The following DLG2 variants were observed in gnomAD, a reference collection of about 807,000 sequenced individuals.
DLG2 encodes discs large MAGUK scaffold protein 2, also known as disks large homolog 2.
In DLG2, 45 loss-of-function variants were observed where a neutral mutation model predicts 132.5. The ratio of observed to expected loss-of-function variants is 0.34; its 90% CI spans 0.27 to 0.44. The LOEUF (loss-of-function observed/expected upper bound fraction) is 0.44. Ranked by LOEUF, DLG2 falls within the 20% of genes least tolerant of loss-of-function variation. DLG2 has a pLI of 1.00. For missense variants in DLG2, 1,045 were observed against 1,196.9 expected, an observed-to-expected ratio of 0.87 and a Z score of 1.87; for synonymous variants, 424 against 419.6, an observed-to-expected ratio of 1.01 and a Z score of -0.13.
At chr11:84,210,662 A>T (rs1210650921) in intron 8 of DLG2, among the ~76,000 whole-genome samples, 1 of 152,222 alleles carries the variant, frequency 6.6e-6, no homozygotes, top group Non-Finnish European at 1.5e-5. Flanking sequence ...ACTACTACTT[A>T]GAAATAAAGG....
At chr11:84,364,336 C>T (rs2098668796) in intron 7 of DLG2, among the ~76,000 whole-genome samples, 1 of 152,126 alleles carries the variant, frequency 6.6e-6, no homozygotes. Context: ...TATAAGAATG[C>T]TTGTGATTTT....
chr11:84,486,009 G>A (rs1477143791), intron 7 of DLG2, among the ~76,000 whole-genome samples: 1 of 152,120 alleles, frequency 6.6e-6, no homozygotes, highest in Non-Finnish European at 1.5e-5. Flanking sequence ...ATGGTAGAGG[G>A]AAGGCAACCT....
chr11:85,122,899 C>T (rs2074502906), intron 5 of DLG2, among the ~76,000 whole-genome samples: 2 of 138,584 alleles, frequency 1.4e-5, no homozygotes, highest in East Asian at 4.3e-4. Flanking sequence ...TACACATATA[C>T]ACACACATAT....
intron 9 of DLG2, among the ~76,000 whole-genome samples, chr11:84,146,133 C>G (rs937433514): frequency 5.9e-5 from 9 of 152,100 alleles, no homozygotes; most frequent in African/African-American, 2.2e-4. Context: ...AGAAAAATTG[C>G]TCTTTCATTC....
chr11:85,366,363 T>A (rs1345671369), intron 3 of DLG2, among the ~76,000 whole-genome samples: 1 of 152,090 alleles, frequency 6.6e-6, no homozygotes, highest in Non-Finnish European at 1.5e-5. Flanking sequence ...TTGCACAATA[T>A]ATATAAATAA....
At chr11:84,491,219 G>A (rs1008438415) in intron 7 of DLG2, among the ~76,000 whole-genome samples, 9 of 152,176 alleles carry the variant, frequency 5.9e-5, no homozygotes, top group East Asian at 1.9e-4. Context: ...ATTGTGGGAC[G>A]GACCTGGTGG....
At chr11:85,354,964 C>G (rs960465540) in intron 3 of DLG2, among the ~76,000 whole-genome samples, 2 of 151,364 alleles carry the variant, frequency 1.3e-5, no homozygotes, top group African/African-American at 4.9e-5. Flanking sequence ...GGATTATAGC[C>G]CAGTACTTTG....
intron 11 of DLG2, among the ~76,000 whole-genome samples, chr11:84,016,891 T>C (rs909623152): frequency 6.6e-6 from 1 of 152,102 alleles, no homozygotes; most frequent in Non-Finnish European, 1.5e-5. Flanking sequence ...TATACTATGT[T>C]GCCTAAATAA....
At chr11:85,157,135 T>C (rs1283208068) in intron 4 of DLG2, among the ~76,000 whole-genome samples, 1 of 152,202 alleles carries the variant, frequency 6.6e-6, no homozygotes, top group African/African-American at 2.4e-5. Flanking sequence ...CCTTCTCCCA[T>C]GCTGGATGCT....
At chr11:85,419,697 T>C (rs1253226445) in intron 3 of DLG2, among the ~76,000 whole-genome samples, 10 of 152,236 alleles carry the variant, frequency 6.6e-5, no homozygotes, top group Admixed American at 2.6e-4. Flanking sequence ...CAATCTCTGA[T>C]ATCATCTCTT....
intron 6 of DLG2, chr11:84,545,569 T>C: frequency 2.7e-6 from 1 of 376,818 alleles, no homozygotes; most frequent in South Asian, 2.3e-5. Context: ...GAACACTCTT[T>C]GAAGTTTCCT....
chr11:85,280,048 G>A (rs1463748889), intron 4 of DLG2, among the ~76,000 whole-genome samples: 3 of 152,010 alleles, frequency 2.0e-5, no homozygotes, highest in African/African-American at 4.8e-5. Context: ...AAAACAAGGG[G>A]AAAAGTCCTA....
intron 6 of DLG2, among the ~76,000 whole-genome samples, chr11:84,657,887 G>A (rs144789619): frequency 3.3e-5 from 5 of 152,264 alleles, no homozygotes; most frequent in African/African-American, 7.2e-5. Flanking sequence ...TCCAATAAAC[G>A]GTCATTCCTT....
Position 83,753,870 on chromosome 11 carries a change from T to TG in DLG2, c.1825+32819_1825+32820insC, listed in dbSNP as rs1566832945. Among the ~76,000 whole-genome samples, 10 of 90,060 alleles carry TG rather than the reference T, an allele frequency of 1.1e-4. 1 individual carries two copies. The highest frequency in any genetic ancestry group is 1.7e-4 in the Non-Finnish European group (9 of 52,304). The allele number at this position is 90,060 out of a possible 152,430, so 59.1% of individuals were successfully genotyped here. On this transcript the variant is annotated intron_variant, in intron 18 of 27. Transcript: ENST00000376104. ...ATATATATCATATATATATTTCATA[T>TG]ATATGATATATATCATATATATCAT...
At chr11:83,951,301 T>C (rs2085353548) in intron 14 of DLG2, among the ~76,000 whole-genome samples, 1 of 152,158 alleles carries the variant, frequency 6.6e-6, no homozygotes, top group Admixed American at 6.5e-5. Flanking sequence ...CACTCTTACT[T>C]GTGCTGGGAC....
chr11:84,850,981 T>G (rs938791923), intron 6 of DLG2, among the ~76,000 whole-genome samples: 1 of 152,114 alleles, frequency 6.6e-6, no homozygotes, highest in Non-Finnish European at 1.5e-5. Flanking sequence ...AATCTACAAA[T>G]TTCATGCAAT....
intron 7 of DLG2, among the ~76,000 whole-genome samples, chr11:84,493,878 C>T (rs551628445): frequency 6.6e-6 from 1 of 152,134 alleles, no homozygotes; most frequent in South Asian, 2.1e-4. Flanking sequence ...AACATGCCAT[C>T]TGAAAGGTTC....
At chr11:84,291,063 T>A (rs2097988370) in intron 7 of DLG2, among the ~76,000 whole-genome samples, 1 of 152,182 alleles carries the variant, frequency 6.6e-6, no homozygotes, top group South Asian at 2.1e-4. Context: ...TACTATTGTT[T>A]AAAAATTACT....
intron 9 of DLG2, among the ~76,000 whole-genome samples, chr11:84,151,777 T>C (rs1473676800): frequency 6.6e-6 from 1 of 152,216 alleles, no homozygotes; most frequent in Non-Finnish European, 1.5e-5. Context: ...GAATTTTTTA[T>C]TTCTGCCTTA....
Sources: allele counts gnomAD v4.1 joint callset (sites outside exome capture counted in the v4.1 genomes callset), GRCh38; gene constraint gnomAD v4.1.1; transcripts MANE v1.5; gene names NCBI Gene and HGNC (gene_info 2026-07-23, HGNC 2026-07-21).